Variants in REV3L observed in about 807,000 individuals in gnomAD.
The protein encoded by REV3L is REV3 like, DNA directed polymerase zeta catalytic subunit.
REV3L carries 69 observed loss-of-function variants against 299.4 expected under a neutral mutation model. The observed-to-expected ratio is 0.23, with a 90% confidence interval of 0.19 to 0.28. REV3L has a LOEUF of 0.28. REV3L is among the 10% of genes least tolerant of loss of function. REV3L has a pLI of 1.00. For missense variants in REV3L, 3,128 were observed against 3,693.8 expected (o/e 0.85, Z 3.97); for synonymous variants, 1,238 against 1,271.4 (o/e 0.97, Z 0.56).
At chr6:111,340,486 C>T (rs1273588099) in intron 21 of REV3L, among the ~76,000 whole-genome samples, 1 of 151,806 alleles carries the variant, frequency 6.6e-6, no homozygotes, top group African/African-American at 2.4e-5. Context: ...TTCCAGGAGA[C>T]AAAAATCTGG....
At chr6:111,431,153 G>A in intron 1 of REV3L, 4 of 1,541,778 alleles carry the variant, frequency 2.6e-6, no homozygotes, top group Non-Finnish European at 3.6e-6. Context: ...AGCGATCTCA[G>A]CAGCCATGAG....
At chr6:111,358,567 A>G in intron 17 of REV3L, among the ~76,000 whole-genome samples, 1 of 152,126 alleles carries the variant, frequency 6.6e-6, no homozygotes, top group East Asian at 1.9e-4. Flanking sequence ...GGCTCGAGCA[A>G]TCCTGTTGCC....
chr6:111,355,336 G>T (rs554072795), intron 18 of REV3L, among the ~76,000 whole-genome samples: 4 of 152,152 alleles, frequency 2.6e-5, no homozygotes, highest in African/African-American at 9.6e-5. Context: ...TACAGATTAG[G>T]AAAACAAAGC....
intron 27 of REV3L, among the ~76,000 whole-genome samples, chr6:111,314,233 G>C (rs1039831999): frequency 3.3e-5 from 5 of 152,206 alleles, no homozygotes; most frequent in African/African-American, 1.2e-4. Context: ...CCTTGTGGTA[G>C]ACTTTGTTTT....
chr6:111,424,835 T>C (rs1785979366), intron 1 of REV3L, among the ~76,000 whole-genome samples: 1 of 152,188 alleles, frequency 6.6e-6, no homozygotes. Context: ...AGCAATTATT[T>C]AATTGCTGTA....
rs931290499 is a variant in REV3L at position 111,334,310 on chromosome 6, C to T, written c.7681-943G>A. ...AGACAGCTGTATAGTTTGACAATTT[C>T]GTTTAAGAAGTTGGTTGATAATCCT... On this transcript the variant is annotated intron_variant, in intron 22 of 31. Transcript: ENST00000368802. 4.6e-5 allele frequency among the ~76,000 whole-genome samples: 7 copies of T among 152,156 alleles called. No homozygotes were observed. The East Asian group carries it at 9.7e-4, about 21-fold the overall frequency.
At chr6:111,382,378 C>T (rs530510557) in intron 9 of REV3L, among the ~76,000 whole-genome samples, 44 of 152,248 alleles carry the variant, frequency 2.9e-4, no homozygotes, top group Non-Finnish European at 5.6e-4. Context: ...TCTTGAGGCA[C>T]GGAGAGAGAA....
chr6:111,461,553 T>C (rs531975169), intron 1 of REV3L, among the ~76,000 whole-genome samples: 14 of 152,140 alleles, frequency 9.2e-5, no homozygotes, highest in South Asian at 8.3e-4. Flanking sequence ...TATAGCAATA[T>C]ACTGTAAAGT....
Position 111,373,182 on chromosome 6 carries a change from G to A in REV3L, c.5173C>T (p.Pro1725Ser). 1 of 1,614,104 alleles carries A rather than the reference G, an allele frequency of 6.2e-7. No homozygotes were observed. The highest frequency in any genetic ancestry group is 8.5e-7 in the Non-Finnish European group (1 of 1,180,004). ...ATGGTTGACTTCTCAAAAATTTCAG[G>A]ACTTAAAGTACCAGATCTAATCCAT... The part of the protein sequence containing the change: ...ASWIRSGTLS[P>S]EIFEKSTIDS... The change falls in exon 13 of 32, where the codon CCT becomes TCT. Residue 1725 changes from proline (P) to serine (S), a missense_variant. Transcript: ENST00000368802.
intron 21 of REV3L, among the ~76,000 whole-genome samples, chr6:111,336,436 C>T (rs1775902167): frequency 6.6e-6 from 1 of 151,966 alleles, no homozygotes; most frequent in African/African-American, 2.4e-5. Flanking sequence ...ACCTTTTCCT[C>T]AGACACATGA....
intron 1 of REV3L, among the ~76,000 whole-genome samples, chr6:111,481,445 A>C (rs1238954391): frequency 2.0e-5 from 3 of 152,254 alleles, no homozygotes; most frequent in Non-Finnish European, 4.4e-5. Context: ...GGTTCATATC[A>C]AAATCATATT....
chr6:111,430,401 A>G lies in REV3L; in HGVS notation c.140-13929T>C, dbSNP rs142375791. ...GATCAAGAACAATGACTACCAGTCC[A>G]TAGAAAAACTAAAGGATATTTTCAA... is the stretch of plus-strand genomic sequence containing the variant. On this transcript the variant is annotated intron_variant, in intron 1 of 31. Transcript: ENST00000368802. 2.5e-4 allele frequency: 350 copies of G among 1,375,196 alleles called. No individual in the cohort carries two copies. In the African/African-American group the frequency reaches 4.2e-3, roughly 17 times the overall value. 85.2% of individuals were successfully genotyped at this position (1,375,196 alleles called of 1,614,324 possible). A position where few individuals can be genotyped will look rare whatever the true frequency, so the allele number is the denominator to read the frequency against.
chr6:111,482,967 C>T lies in REV3L; in HGVS notation c.-79G>A, dbSNP rs552193346. 1.6e-4 allele frequency: 228 copies of T among 1,410,362 alleles called. No homozygotes were observed. Among genetic ancestry groups the T allele is most frequent in the Non-Finnish European group, 1.9e-4 (209 of 1,084,208 alleles). 87.4% of individuals were successfully genotyped at this position (1,410,362 alleles called of 1,614,324 possible). On this transcript the variant is annotated 5_prime_UTR_variant, in exon 1 of 32. Transcript: ENST00000368802. Reference sequence around the variant, plus strand: ...GCAGCGGCGGCGGCTCCCTCCGCAGCGGCGGCGGCGCCCCCTCCCCTTCTC... The same window carrying T: ...GCAGCGGCGGCGGCTCCCTCCGCAGTGGCGGCGGCGCCCCCTCCCCTTCTC...
chr6:111,442,321 G>A (rs1316187228), intron 1 of REV3L, among the ~76,000 whole-genome samples: 1 of 152,126 alleles, frequency 6.6e-6, no homozygotes, highest in Non-Finnish European at 1.5e-5. Flanking sequence ...GTTCTCCCTT[G>A]ATGTCAGTAT....
intron 25 of REV3L, among the ~76,000 whole-genome samples, chr6:111,323,818 CAAT>C (rs773635214): frequency 3.3e-5 from 5 of 151,804 alleles, no homozygotes; most frequent in Non-Finnish European, 7.4e-5. Flanking sequence ...AAGAAGCAAA[CAAT>C]AGCAATAATC....
intron 21 of REV3L, among the ~76,000 whole-genome samples, chr6:111,338,311 C>CTTTTTTTTT (rs1776115188): frequency 1.6e-4 from 8 of 49,056 alleles, no homozygotes; most frequent in Admixed American, 2.3e-4. Context: ...AGTCTAAAGT[C>CTTTTTTTTT]CTTTTTTTTT....
Position 111,411,542 on chromosome 6 carries a change from A to T in REV3L, c.342T>A (p.Gly114=). ...VSLVSGMPFY[G]YHEKERHFMK... ...TAAAGTGTCTTTCCTTCTCATGATA[A>T]CCATAAAAAGGCCTGAAATATAAGA... is the stretch of plus-strand genomic sequence containing the variant. The change falls in exon 3 of 32, where the codon GGT becomes GGA. Residue 114 remains glycine, a synonymous_variant. Transcript: ENST00000368802. 6.3e-7 allele frequency: 1 copy of T among 1,575,894 alleles called. No homozygotes were observed. The highest frequency in any genetic ancestry group is 8.7e-7 in the Non-Finnish European group (1 of 1,154,598).
chr6:111,384,183 T>C lies in REV3L; in HGVS notation c.1097-2739A>G, dbSNP rs755080068. On this transcript the variant is annotated intron_variant, in intron 9 of 31. Transcript: ENST00000368802. ...AACATTGGGGAAACTCTCTAGAATATTGGTCTGAGCAAAGATTTTTTGGGA... is the reference window on the plus strand; with the variant it reads ...AACATTGGGGAAACTCTCTAGAATACTGGTCTGAGCAAAGATTTTTTGGGA... 3.3e-4 allele frequency among the ~76,000 whole-genome samples: 50 copies of C among 152,172 alleles called. 1 individual carries two copies. The highest frequency in any genetic ancestry group is 3.2e-3 in the Middle Eastern group (1 of 316).
At chr6:111,476,748 C>T (rs1177924946) in intron 1 of REV3L, among the ~76,000 whole-genome samples, 1 of 152,162 alleles carries the variant, frequency 6.6e-6, no homozygotes, top group Admixed American at 6.5e-5. Flanking sequence ...TACTGGCTTG[C>T]TTTAATTTAT....
Sources: gnomAD v4.1 joint callset for allele counts (sites outside exome capture counted in the v4.1 genomes callset) on GRCh38, gnomAD v4.1.1 for gene constraint, MANE v1.5 for transcripts, NCBI Gene and HGNC (gene_info 2026-07-23, HGNC 2026-07-21) for gene names.